Variants in SESN1 observed in about 807,000 individuals in gnomAD.
SESN1 encodes the protein sestrin-1.
Under a neutral mutation model 59.3 loss-of-function variants are expected in SESN1, and 30 were observed. The observed-to-expected ratio is 0.51, with a 90% CI of 0.38 to 0.69. The LOEUF (loss-of-function observed/expected upper bound fraction) is 0.69, where lower values mean the gene tolerates loss of function less well. Among genes scored for constraint, SESN1 ranks in the 30% least tolerant of loss-of-function variants. SESN1 has a pLI of 0.00. For missense variants in SESN1, 566 were observed against 673.0 expected, an observed-to-expected ratio of 0.84 and a Z score of 1.76; for synonymous variants, 197 against 219.9, an observed-to-expected ratio of 0.90 and a Z score of 0.92.
At chr6:109,032,619 T>G (rs1157052499) in intron 1 of SESN1, among the ~76,000 whole-genome samples, 47 of 147,828 alleles carry the variant, frequency 3.2e-4, no homozygotes, top group African/African-American at 1.1e-3. Flanking sequence ...CTTCATCTCG[T>G]GGGGGGAGTG....
chr6:109,009,562 G>C (rs1407383296), intron 1 of SESN1: 2 of 1,016,186 alleles, frequency 2.0e-6, no homozygotes, highest in Non-Finnish European at 2.4e-6. Flanking sequence ...CGGCGGGGGG[G>C]CGGGGCGGCG....
Position 109,000,520 on chromosome 6 carries a change from G to A in SESN1, c.700C>T (p.Pro234Ser). The change falls in exon 4 of 10, where the codon CCT becomes TCT. Residue 234 changes from proline to serine, a missense_variant. Coordinates refer to ENST00000436639, the MANE Select transcript of SESN1 (RefSeq NM_014454.3). ...ATGTGTTCTTTGGTAATAAGCCAAGGTCTATGGGCTAACACTTTGTTAAGT... is the reference window on the plus strand; with the variant it reads ...ATGTGTTCTTTGGTAATAAGCCAAGATCTATGGGCTAACACTTTGTTAAGT... ...GELNKVLAHR[P>S]WLITKEHIEG... 1 of 1,606,336 alleles carries A rather than the reference G, an allele frequency of 6.2e-7. No individual in the cohort carries two copies. Among genetic ancestry groups the A allele is most frequent in the Non-Finnish European group, 8.5e-7 (1 of 1,175,998 alleles).
At chr6:109,007,550 T>C (rs985065849) in intron 1 of SESN1, among the ~76,000 whole-genome samples, 1 of 152,150 alleles carries the variant, frequency 6.6e-6, no homozygotes, top group Non-Finnish European at 1.5e-5. Context: ...TTGAAAAACA[T>C]TTCAACAAGG....
At chr6:109,045,399 T>C (rs1174448044) in intron 1 of SESN1, among the ~76,000 whole-genome samples, 1 of 152,214 alleles carries the variant, frequency 6.6e-6, no homozygotes, top group African/African-American at 2.4e-5. Flanking sequence ...GATGATGATA[T>C]AATCCTTTAT....
intron 1 of SESN1, among the ~76,000 whole-genome samples, chr6:109,068,630 AGAGTAATTT>A (rs1304869214): frequency 6.6e-6 from 1 of 152,172 alleles, no homozygotes; most frequent in Non-Finnish European, 1.5e-5. Flanking sequence ...AGAGGATAGA[AGAGTAATTT>A]GAGATTCAAT....
chr6:109,070,497 G>A (rs978528627), intron 1 of SESN1, among the ~76,000 whole-genome samples: 1 of 150,930 alleles, frequency 6.6e-6, no homozygotes, highest in African/African-American at 2.4e-5. Context: ...TAGTGTAGGG[G>A]TGGGTGGGAT....
At chr6:109,047,918 C>T (rs1188442059) in intron 1 of SESN1, among the ~76,000 whole-genome samples, 1 of 146,116 alleles carries the variant, frequency 6.8e-6, no homozygotes, top group Non-Finnish European at 1.5e-5. Context: ...AGAGTCATCA[C>T]CACTCCCTAA....
At chr6:109,038,595 A>G (rs1322814927) in intron 1 of SESN1, among the ~76,000 whole-genome samples, 1 of 152,262 alleles carries the variant, frequency 6.6e-6, no homozygotes, top group African/African-American at 2.4e-5. Context: ...TCAAGACCAA[A>G]GGGAATACAA....
Position 108,986,216 on chromosome 6 carries a change from G to GAA in SESN1, c.*1326_*1327dup, listed in dbSNP as rs1489478444. Among the ~76,000 whole-genome samples, 1 of 152,128 alleles carries GAA rather than the reference G, an allele frequency of 6.6e-6. No homozygotes were observed. Among genetic ancestry groups the GAA allele is most frequent in the Non-Finnish European group, 1.5e-5 (1 of 68,032 alleles). On this transcript the variant is annotated 3_prime_UTR_variant, in exon 10 of 10. Transcript: ENST00000436639. ...ATTCTATTGGAACTCTAAAACAGTT[G>GAA]AAAAGAGAGCAGGCATAGGGCCATA...
In SESN1 at chr6:109,000,666, G is replaced by A; in HGVS notation, c.554C>T (p.Ala185Val). 1 of 1,577,774 alleles carries A rather than the reference G, an allele frequency of 6.3e-7. No homozygotes were observed. The highest frequency in any genetic ancestry group is 8.6e-7 in the Non-Finnish European group (1 of 1,162,588). Reference protein sequence around the residue: ...YRHYIGIMAAARHQCSYLVNL... With the variant: ...YRHYIGIMAAVRHQCSYLVNL... The stretch of plus-strand genomic sequence containing the variant: ...CACTAAGTAGGAGCACTGATGTCTT[G>A]CCGCAGCCTTAAAACAAAAAGATTA... Residue 185 changes from alanine to valine, a missense_variant, in exon 4 of 10, where the codon GCA becomes GTA. Transcript: ENST00000436639.
intron 1 of SESN1, among the ~76,000 whole-genome samples, chr6:109,014,079 T>C (rs1272066831): frequency 6.6e-6 from 1 of 152,124 alleles, no homozygotes; most frequent in Admixed American, 6.5e-5. Flanking sequence ...GACAAGTCTT[T>C]GGTATTTTCC....
At chr6:109,007,917 G>C (rs1297163044) in intron 1 of SESN1, among the ~76,000 whole-genome samples, 2 of 150,636 alleles carry the variant, frequency 1.3e-5, no homozygotes, top group Non-Finnish European at 2.9e-5. Flanking sequence ...TCCGTTTCTT[G>C]AAAGTGTTTA....
At chr6:108,996,931 C>A (rs530556303) in intron 5 of SESN1, among the ~76,000 whole-genome samples, 20 of 152,080 alleles carry the variant, frequency 1.3e-4, no homozygotes, top group Non-Finnish European at 2.6e-4. Flanking sequence ...GTGAAAGAAG[C>A]CAATCTGAAA....
In SESN1 at chr6:108,986,370, G is replaced by GTAGATAGA. The variant is rs3834318; in HGVS notation, c.*1166_*1173dup. The GTAGATAGA allele has an allele frequency of 2.4e-4, 37 of 152,640 alleles. No individual in the cohort carries two copies. The highest frequency in any genetic ancestry group is 8.9e-4 in the African/African-American group (37 of 41,506). 9.5% of individuals were successfully genotyped at this position (152,640 alleles called of 1,614,324 possible). ...GTGTGAATGTACTTGGCTTATGAAA[G>GTAGATAGA]TAGATAGAAACTCAAAATTATTACT... On this transcript the variant is annotated 3_prime_UTR_variant, in exon 10 of 10. Transcript: ENST00000436639.
rs531440070 is a variant in SESN1 at position 109,089,785 on chromosome 6, A to C, written c.279+4010T>G. ...ATATCCTGTGGTTTCTAACTCCTTGATATCTATCAGACCCATTTTAATTTT... is the reference window on the plus strand; with the variant it reads ...ATATCCTGTGGTTTCTAACTCCTTGCTATCTATCAGACCCATTTTAATTTT... On this transcript the variant is annotated intron_variant, in intron 1 of 9. Coordinates refer to ENST00000436639, the MANE Select transcript of SESN1 (RefSeq NM_014454.3). 3.9e-5 allele frequency among the ~76,000 whole-genome samples: 6 copies of C among 152,298 alleles called. No individual in the cohort carries two copies. The East Asian group carries it at 1.2e-3, about 29-fold the overall frequency.
At chr6:109,040,711 G>A (rs1233238835) in intron 1 of SESN1, among the ~76,000 whole-genome samples, 1 of 149,546 alleles carries the variant, frequency 6.7e-6, no homozygotes, top group Admixed American at 6.7e-5. Flanking sequence ...GGAGTGCAGT[G>A]GCGCAATCTC....
chr6:109,003,214 A>C (rs577986904), intron 1 of SESN1, among the ~76,000 whole-genome samples: 16 of 151,520 alleles, frequency 1.1e-4, no homozygotes, highest in Non-Finnish European at 1.8e-4. Context: ...TCATTTAAAA[A>C]TTTTTTTTAG....
chr6:109,060,120 C>T (rs558478189), intron 1 of SESN1, among the ~76,000 whole-genome samples: 12 of 152,062 alleles, frequency 7.9e-5, no homozygotes, highest in South Asian at 6.2e-4. Flanking sequence ...TGTACACACA[C>T]GTACACACAC....
chr6:109,084,726 G>A (rs1338320482), intron 1 of SESN1, among the ~76,000 whole-genome samples: 1 of 151,960 alleles, frequency 6.6e-6, no homozygotes, highest in African/African-American at 2.4e-5. Flanking sequence ...AAAGCTAAAA[G>A]TATCTAGTTT....
Sources: allele counts gnomAD v4.1 joint callset (sites outside exome capture counted in the v4.1 genomes callset), GRCh38; gene constraint gnomAD v4.1.1; transcripts MANE v1.5; gene names NCBI Gene and HGNC (gene_info 2026-07-23, HGNC 2026-07-21).